Variants in SLC25A12 observed in about 807,000 individuals in gnomAD.
SLC25A12 encodes the protein solute carrier family 25 member 12.
SLC25A12 carries 32 observed loss-of-function variants against 83.3 expected under a neutral mutation model. The ratio of observed to expected loss-of-function variants is 0.38; its 90% confidence interval spans 0.29 to 0.52. The LOEUF (loss-of-function observed/expected upper bound fraction) is 0.52, where lower values mean the gene tolerates loss of function less well. Ranked by LOEUF, SLC25A12 falls within the 20% of genes least tolerant of loss-of-function variation. The pLI, the probability that SLC25A12 is intolerant of heterozygous loss-of-function variation, is 0.84. For missense variants in SLC25A12, 611 were observed against 835.6 expected, an observed-to-expected ratio of 0.73 and a Z score of 3.31; for synonymous variants, 267 against 291.1, an observed-to-expected ratio of 0.92 and a Z score of 0.84.
intron 3 of SLC25A12, among the ~76,000 whole-genome samples, chr2:171,862,306 G>T (rs1418470083): frequency 6.6e-6 from 1 of 152,162 alleles, no homozygotes; most frequent in South Asian, 2.1e-4. Flanking sequence ...CACAATTATA[G>T]TCTCTGAGAT....
At chr2:171,887,863 A>T (rs912423062) in intron 2 of SLC25A12, among the ~76,000 whole-genome samples, 11 of 152,200 alleles carry the variant, frequency 7.2e-5, no homozygotes, top group Admixed American at 5.9e-4. Context: ...AAAAGGCAGA[A>T]TCTTAGTGCA....
intron 3 of SLC25A12, 61 bp downstream of exon 3, chr2:171,868,620 T>C (rs1573996526): frequency 6.4e-7 from 1 of 1,567,652 alleles, no homozygotes; most frequent in Admixed American, 1.7e-5. Context: ...AGCTGGTTTT[T>C]TAAATTTTTA....
intron 4 of SLC25A12, among the ~76,000 whole-genome samples, chr2:171,854,447 A>G (rs988248230): frequency 1.3e-5 from 2 of 152,088 alleles, no homozygotes; most frequent in Non-Finnish European, 2.9e-5. Flanking sequence ...CATGCCTGTA[A>G]TCCCAGCTAT....
chr2:171,836,978 AC>A, intron 6 of SLC25A12, 142 bp downstream of exon 6: 1 of 741,404 alleles, frequency 1.3e-6, no homozygotes, highest in Non-Finnish European at 2.3e-6. Context: ...ACACACACAC[AC>A]ACACAAACCT....
At chr2:171,888,825 T>C (rs1685876542) in intron 2 of SLC25A12, among the ~76,000 whole-genome samples, 1 of 152,210 alleles carries the variant, frequency 6.6e-6, no homozygotes, top group Admixed American at 6.5e-5. Flanking sequence ...GAATTTTTAT[T>C]GACTATTTGT....
intron 4 of SLC25A12, chr2:171,852,799 A>G (rs1684959631): frequency 6.1e-6 from 2 of 325,486 alleles, no homozygotes; most frequent in Admixed American, 7.4e-5. Flanking sequence ...CATTTGCTAC[A>G]ACAGTTTCAA....
In SLC25A12 at chr2:171,844,569, A is replaced by G; in HGVS notation, c.326-61T>C. Reference sequence around the variant, plus strand: ...TGGAATAAGTAGTTTAAACCACTGCAATGTTCCTACAGAAAAAAATTAAGA... The same window carrying G: ...TGGAATAAGTAGTTTAAACCACTGCGATGTTCCTACAGAAAAAAATTAAGA... On this transcript the variant is annotated intron_variant, in intron 4 of 17. Coordinates refer to ENST00000422440, the MANE Select transcript of SLC25A12 (RefSeq NM_003705.5). 3.4e-6 allele frequency: 4 copies of G among 1,175,766 alleles called. No individual in the cohort carries two copies. The South Asian group carries it at 5.1e-5, about 15-fold the overall frequency. The allele number at this position is 1,175,766 out of a possible 1,614,324, so 72.8% of individuals were successfully genotyped here.
chr2:171,789,043 C>T (rs1380454448), intron 15 of SLC25A12: 1 of 152,262 alleles, frequency 6.6e-6, no homozygotes, highest in Non-Finnish European at 1.5e-5. Context: ...TTAGACTCTT[C>T]TTCTCTGGCT....
intron 8 of SLC25A12, among the ~76,000 whole-genome samples, chr2:171,829,781 G>A (rs540220285): frequency 1.3e-5 from 2 of 152,246 alleles, no homozygotes; most frequent in East Asian, 1.9e-4. Context: ...GTTGCACCCT[G>A]TTGGAAAAGG....
At chr2:171,794,382 G>T (rs888108949) in intron 13 of SLC25A12, among the ~76,000 whole-genome samples, 17 of 152,112 alleles carry the variant, frequency 1.1e-4, no homozygotes, top group African/African-American at 3.9e-4. Flanking sequence ...ACACAAAAGG[G>T]AAGAATTTAG....
chr2:171,806,945 G>T lies in SLC25A12; in HGVS notation c.1305+2661C>A, dbSNP rs761777267. Among the ~76,000 whole-genome samples the T allele has an allele frequency of 1.2e-3, 176 of 152,244 alleles. 3 individuals are homozygous for T. The Middle Eastern group carries it at 0.024, about 21-fold the overall frequency. On this transcript the variant is annotated intron_variant, in intron 13 of 17. Coordinates refer to ENST00000422440, the MANE Select transcript of SLC25A12 (RefSeq NM_003705.5). Reference sequence around the variant, plus strand: ...TGTTAATCTGGTGGCTGTTTGCCAGGTATCATTTAGGAAATGGAGTATCCT... The same window carrying T: ...TGTTAATCTGGTGGCTGTTTGCCAGTTATCATTTAGGAAATGGAGTATCCT...
chr2:171,793,240 A>G (rs1364313526), intron 14 of SLC25A12, among the ~76,000 whole-genome samples: 1 of 152,062 alleles, frequency 6.6e-6, no homozygotes, highest in Non-Finnish European at 1.5e-5. Flanking sequence ...TTAAGACAAA[A>G]GCTCCCACTG....
intron 2 of SLC25A12, among the ~76,000 whole-genome samples, chr2:171,874,449 C>T (rs773307929): frequency 1.3e-5 from 2 of 152,128 alleles, no homozygotes; most frequent in Non-Finnish European, 2.9e-5. Context: ...GATCTTTGTT[C>T]TCGCTCTTCA....
At chr2:171,828,231 T>C (rs541060188) in intron 8 of SLC25A12, among the ~76,000 whole-genome samples, 1 of 152,346 alleles carries the variant, frequency 6.6e-6, no homozygotes, top group Admixed American at 6.5e-5. Flanking sequence ...TGAATGGGGA[T>C]AGCTGCCCTG....
chr2:171,877,697 T>C (rs1468180846), intron 2 of SLC25A12, among the ~76,000 whole-genome samples: 7 of 147,344 alleles, frequency 4.8e-5, no homozygotes, highest in Admixed American at 2.0e-4. Context: ...AAAGGATGTA[T>C]GCAACCTATA....
At chr2:171,789,681 T>C (rs1247905003) in intron 15 of SLC25A12, among the ~76,000 whole-genome samples, 1 of 152,168 alleles carries the variant, frequency 6.6e-6, no homozygotes, top group Non-Finnish European at 1.5e-5. Flanking sequence ...CAGAGCTCAG[T>C]GTGGCTCTGA....
chr2:171,863,586 G>T (rs1268293922), intron 3 of SLC25A12, among the ~76,000 whole-genome samples: 1 of 151,688 alleles, frequency 6.6e-6, no homozygotes, highest in Non-Finnish European at 1.5e-5. Context: ...CTCAGCCTAG[G>T]AGAACCACAT....
chr2:171,804,195 T>A (rs750834974), intron 13 of SLC25A12, among the ~76,000 whole-genome samples: 1 of 152,188 alleles, frequency 6.6e-6, no homozygotes, highest in Non-Finnish European at 1.5e-5. Context: ...GAAAACACGC[T>A]AAGTGAAAAA....
intron 2 of SLC25A12, among the ~76,000 whole-genome samples, chr2:171,891,930 G>A (rs1250513011): frequency 1.3e-5 from 2 of 152,022 alleles, no homozygotes; most frequent in African/African-American, 2.4e-5. Context: ...GCTCAACTAC[G>A]CAGCGTCTTA....
Sources: gnomAD v4.1 joint callset for allele counts (sites outside exome capture counted in the v4.1 genomes callset) on GRCh38, gnomAD v4.1.1 for gene constraint, MANE v1.5 for transcripts, NCBI Gene and HGNC (gene_info 2026-07-23, HGNC 2026-07-21) for gene names.